Variants in NFATC1 observed in about 807,000 individuals in gnomAD.
NFATC1 encodes nuclear factor of activated T-cells, cytoplasmic 1.
In NFATC1, 22 loss-of-function variants were observed where a neutral mutation model predicts 76.0. The observed-to-expected ratio is 0.29, with a 90% CI of 0.21 to 0.41. The LOEUF (loss-of-function observed/expected upper bound fraction) is 0.41, where lower values mean the gene tolerates loss of function less well. Among genes scored for constraint, NFATC1 ranks in the 10% least tolerant of loss-of-function variants. NFATC1 has a pLI of 1.00. For synonymous variants in NFATC1, 704 were observed against 613.1 expected, an observed-to-expected ratio of 1.15 and a Z score of -2.19; for missense variants, 1,357 against 1,337.7, an observed-to-expected ratio of 1.01 and a Z score of -0.23.
At chr18:79,458,897 T>C (rs1036864036) in intron 6 of NFATC1, among the ~76,000 whole-genome samples, 8 of 152,254 alleles carry the variant, frequency 5.3e-5, no homozygotes, top group Non-Finnish European at 7.3e-5. Context: ...AATTGCTAGA[T>C]AGACATTTCT....
chr18:79,428,656 A>C (rs2086481475), intron 2 of NFATC1, among the ~76,000 whole-genome samples: 2 of 152,222 alleles, frequency 1.3e-5, no homozygotes, highest in Admixed American at 6.5e-5. Context: ...TTTCTGAATA[A>C]GCTAAAATGC....
intron 9 of NFATC1, among the ~76,000 whole-genome samples, chr18:79,492,553 CA>C (rs1174570093): frequency 6.6e-6 from 1 of 151,936 alleles, no homozygotes; most frequent in Non-Finnish European, 1.5e-5. Context: ...ACTAAAAATA[CA>C]AAAAATTAGC....
chr18:79,475,086 A>ATT, intron 8 of NFATC1, among the ~76,000 whole-genome samples: 1 of 93,092 alleles, frequency 1.1e-5, no homozygotes, highest in East Asian at 3.6e-4. Flanking sequence ...TCTCACACTC[A>ATT]CTCGACGTGA....
chr18:79,509,270 A>T (rs761793659), intron 9 of NFATC1, among the ~76,000 whole-genome samples: 13 of 152,146 alleles, frequency 8.5e-5, no homozygotes, highest in Non-Finnish European at 1.6e-4. Context: ...TTTGGCACCC[A>T]CATATGCAGA....
intron 3 of NFATC1, among the ~76,000 whole-genome samples, chr18:79,442,822 G>A (rs981490015): frequency 6.6e-5 from 10 of 152,066 alleles, no homozygotes; most frequent in Admixed American, 3.3e-4. Context: ...CAAGAAACCC[G>A]AGTTTCTCCC....
Position 79,403,123 on chromosome 18 carries a change from G to A in NFATC1, c.127+6772G>A, listed in dbSNP as rs114085265. Among the ~76,000 whole-genome samples, 552 of 152,366 alleles carry A rather than the reference G, an allele frequency of 3.6e-3. 3 individuals are homozygous for A. Among genetic ancestry groups the A allele is most frequent in the African/African-American group, 0.012 (490 of 41,598 alleles). On this transcript the variant is annotated intron_variant, in intron 1 of 9. Coordinates refer to ENST00000427363, the MANE Select transcript of NFATC1 (RefSeq NM_001278669.2). ...TGTACCGGGGTTGGGGGCTGCAGCC[G>A]CAGGGTGGCTGACTGTGGCCAGGAG...
At chr18:79,482,936 G>A (rs1476774036) in intron 8 of NFATC1, among the ~76,000 whole-genome samples, 1 of 141,402 alleles carries the variant, frequency 7.1e-6, no homozygotes, top group Non-Finnish European at 1.5e-5. Flanking sequence ...GCGTGACCTC[G>A]TTCCTGGGGT....
chr18:79,467,365 G>A (rs936849083), intron 7 of NFATC1, 85 bp from the exon 8 acceptor site: 3 of 1,338,486 alleles, frequency 2.2e-6, no homozygotes, highest in East Asian at 2.5e-5. Flanking sequence ...CCGTGGAAAC[G>A]CGGGGTTGCC....
intron 9 of NFATC1, among the ~76,000 whole-genome samples, chr18:79,522,508 T>TGGG (rs573336727): frequency 2.7e-5 from 2 of 73,432 alleles, no homozygotes; most frequent in Non-Finnish European, 5.1e-5. Context: ...GTGTTTTGTG[T>TGGG]GGGGGGGGTG....
At chr18:79,427,314 T>C (rs1003523509) in intron 2 of NFATC1, among the ~76,000 whole-genome samples, 2 of 151,708 alleles carry the variant, frequency 1.3e-5, no homozygotes, top group Non-Finnish European at 2.9e-5. Flanking sequence ...TTTGCCAGCA[T>C]GTGCAACAGT....
chr18:79,494,859 G>A (rs543370978), intron 9 of NFATC1, among the ~76,000 whole-genome samples: 5 of 139,208 alleles, frequency 3.6e-5, no homozygotes, highest in East Asian at 4.4e-4. Flanking sequence ...TGGTGCGGCC[G>A]GGGGAAGGCG....
In NFATC1 at chr18:79,516,567, G is replaced by A. The variant is rs1307434818; in HGVS notation, c.2783-10961G>A. Among the ~76,000 whole-genome samples the A allele has an allele frequency of 2.0e-5, 3 of 152,228 alleles. No individual in the cohort carries two copies. In the East Asian group the frequency reaches 5.8e-4, roughly 29 times the overall value. On this transcript the variant is annotated intron_variant, in intron 9 of 9. Coordinates refer to ENST00000427363, the MANE Select transcript of NFATC1 (RefSeq NM_001278669.2). ...AGCCGAGCGCCGGGCGCCCAGCAGT[G>A]TCGGACAGTTTAGGGTGGACCGAGG...
intron 8 of NFATC1, chr18:79,469,716 C>T (rs113086390): frequency 1.6e-5 from 16 of 985,810 alleles, no homozygotes; most frequent in Middle Eastern, 5.2e-4. Flanking sequence ...AGCCTTCGCC[C>T]GTTCTCCCTC....
At chr18:79,467,636 T>C in intron 8 of NFATC1, 54 bp downstream of exon 8, 1 of 1,600,478 alleles carries the variant, frequency 6.2e-7, no homozygotes, top group Non-Finnish European at 8.5e-7. Context: ...GGGGTGCTTT[T>C]TCTAAAGACG....
At chr18:79,498,188 A>G (rs186468807) in intron 9 of NFATC1, 1 of 152,352 alleles carries the variant, frequency 6.6e-6, no homozygotes, top group Admixed American at 6.5e-5. Flanking sequence ...ACAGGAAGAA[A>G]AATCTGTAGC....
At position 79,467,060 on chromosome 18, in the gene NFATC1, C is replaced by T. The variant is rs150177269; in HGVS notation, c.1960-390C>T. On this transcript the variant is annotated intron_variant, in intron 7 of 9. Transcript: ENST00000427363. The stretch of plus-strand genomic sequence containing the variant: ...CTGTTTACAGCTTCTCTTTTCCTGG[C>T]TTCTTTCCCCATATTGACAAGATTT... 4.7e-4 allele frequency among the ~76,000 whole-genome samples: 71 copies of T among 152,392 alleles called. 1 individual carries two copies. In the East Asian group the frequency reaches 0.013, roughly 28 times the overall value.
intron 2 of NFATC1, among the ~76,000 whole-genome samples, chr18:79,427,507 A>G (rs1199342439): frequency 5.2e-5 from 1 of 19,328 alleles, no homozygotes; most frequent in African/African-American, 2.1e-4. Flanking sequence ...GGTCGGGGGA[A>G]GCTGGACGGC....
At chr18:79,503,750 C>T (rs1316373561) in intron 9 of NFATC1, among the ~76,000 whole-genome samples, 2 of 152,330 alleles carry the variant, frequency 1.3e-5, no homozygotes, top group East Asian at 3.9e-4. Flanking sequence ...TCCCAGACGG[C>T]ATCTCCAATA....
chr18:79,415,292 A>AT (rs1036301336), intron 2 of NFATC1, among the ~76,000 whole-genome samples: 3 of 151,888 alleles, frequency 2.0e-5, no homozygotes, highest in African/African-American at 4.8e-5. Flanking sequence ...TTATTTATTT[A>AT]TTTTTTTTGA....
Sources: gnomAD v4.1 joint callset for allele counts (sites outside exome capture counted in the v4.1 genomes callset) on GRCh38, gnomAD v4.1.1 for gene constraint, MANE v1.5 for transcripts, NCBI Gene and HGNC (gene_info 2026-07-23, HGNC 2026-07-21) for gene names.